The following EBF2 variants were observed in gnomAD, a reference collection of about 807,000 sequenced individuals.
EBF2 encodes transcription factor COE2.
In EBF2, 21 loss-of-function variants were observed where a neutral mutation model predicts 72.8. The ratio of observed to expected loss-of-function variants is 0.29; its 90% CI spans 0.20 to 0.42. The LOEUF (loss-of-function observed/expected upper bound fraction) is 0.42. Among genes scored for constraint, EBF2 ranks in the 10% least tolerant of loss-of-function variants. The pLI is 1.00. For missense variants in EBF2, 637 were observed against 731.2 expected (o/e 0.87, Z 1.49); for synonymous variants, 299 against 274.2 (o/e 1.09, Z -0.89).
At chr8:26,006,548 G>T (rs1804885472) in intron 6 of EBF2, among the ~76,000 whole-genome samples, 3 of 152,112 alleles carry the variant, frequency 2.0e-5, no homozygotes, top group Non-Finnish European at 4.4e-5. Flanking sequence ...TATTCCTTAT[G>T]ACTCTATATT....
intron 10 of EBF2, among the ~76,000 whole-genome samples, chr8:25,863,066 AATT>A (rs398067691): frequency 1.5e-4 from 12 of 79,284 alleles, no homozygotes; most frequent in Non-Finnish European, 2.9e-4. Flanking sequence ...TCAAATAAAA[AATT>A]AAGCAACCAT....
intron 6 of EBF2, among the ~76,000 whole-genome samples, chr8:26,008,998 A>G (rs1804931677): frequency 6.6e-6 from 1 of 150,968 alleles, no homozygotes; most frequent in Non-Finnish European, 1.5e-5. Flanking sequence ...GATTGCTTAT[A>G]TATTCTGAAG....
At chr8:25,993,201 T>C (rs1405371815) in intron 6 of EBF2, among the ~76,000 whole-genome samples, 1 of 152,222 alleles carries the variant, frequency 6.6e-6, no homozygotes, top group East Asian at 1.9e-4. Context: ...TTAGTTTTCT[T>C]AGCTCTGTCT....
chr8:25,867,467 C>T (rs34545411), intron 10 of EBF2, among the ~76,000 whole-genome samples: 2 of 152,022 alleles, frequency 1.3e-5, no homozygotes, highest in African/African-American at 4.8e-5. Context: ...CCCTCCCACC[C>T]ACTGGCTTCC....
chr8:25,978,716 A>C (rs1158687182), intron 6 of EBF2, among the ~76,000 whole-genome samples: 1 of 152,212 alleles, frequency 6.6e-6, no homozygotes, highest in Non-Finnish European at 1.5e-5. Flanking sequence ...GCCCAAGGAA[A>C]CATAACCAAG....
chr8:25,965,563 C>T (rs1585210274), intron 6 of EBF2, among the ~76,000 whole-genome samples: 1 of 152,172 alleles, frequency 6.6e-6, no homozygotes, highest in Admixed American at 6.5e-5. Context: ...AGGGAGAAAT[C>T]CTATCTGTCA....
chr8:25,967,598 T>C (rs1804134420), intron 6 of EBF2, among the ~76,000 whole-genome samples: 1 of 152,256 alleles, frequency 6.6e-6, no homozygotes, highest in African/African-American at 2.4e-5. Context: ...TGGGAACTTG[T>C]ATAGTTTCTA....
At chr8:26,042,960 C>T (rs900352278) in intron 1 of EBF2, among the ~76,000 whole-genome samples, 1 of 152,168 alleles carries the variant, frequency 6.6e-6, no homozygotes, top group African/African-American at 2.4e-5. Flanking sequence ...AATGAGATGA[C>T]CGACATAGGG....
chr8:25,938,693 C>T (rs1473430152), intron 6 of EBF2, among the ~76,000 whole-genome samples: 2 of 152,112 alleles, frequency 1.3e-5, no homozygotes, highest in Non-Finnish European at 2.9e-5. Flanking sequence ...AAATACTCTG[C>T]TCAGGGATGC....
At chr8:26,002,896 AGGCGGGCAGGCGGGCAGGCG>A (rs1563204708) in intron 6 of EBF2, among the ~76,000 whole-genome samples, 41 of 14,918 alleles carry the variant, frequency 2.7e-3, no homozygotes, top group Admixed American at 3.9e-3. Context: ...GCGGGCAGGC[AGGCGGGCAGGCGGGCAGGCG>A]GGCAGGCGGG....
At chr8:25,973,880 T>C (rs2117191873) in intron 6 of EBF2, among the ~76,000 whole-genome samples, 1 of 152,206 alleles carries the variant, frequency 6.6e-6, no homozygotes, top group South Asian at 2.1e-4. Context: ...CTCACTATGT[T>C]GCCCAGGCTG....
chr8:26,031,066 CA>C (rs1805395484), intron 6 of EBF2, among the ~76,000 whole-genome samples: 1 of 152,144 alleles, frequency 6.6e-6, no homozygotes, highest in South Asian at 2.1e-4. Context: ...TTATGAGAAG[CA>C]AGGTGCAGGT....
chr8:25,951,136 C>T (rs1803852356), intron 6 of EBF2, among the ~76,000 whole-genome samples: 2 of 152,100 alleles, frequency 1.3e-5, no homozygotes, highest in Admixed American at 1.3e-4. Context: ...ATTAAATTAG[C>T]CAGTAATTTG....
chr8:25,926,075 C>T (rs904075218), intron 6 of EBF2, among the ~76,000 whole-genome samples: 4 of 152,138 alleles, frequency 2.6e-5, no homozygotes, highest in African/African-American at 4.8e-5. Context: ...GCCTCAAACA[C>T]GTGGTCAGCT....
chr8:26,017,751 TC>T (rs1309793478), intron 6 of EBF2, among the ~76,000 whole-genome samples: 1 of 152,158 alleles, frequency 6.6e-6, no homozygotes, highest in Non-Finnish European at 1.5e-5. Context: ...AAAATGTTCC[TC>T]CCAGAAAAAT....
rs568871382 is a variant in EBF2 at position 25,971,414 on chromosome 8, G to A, written c.551+61671C>T. ...TATGAAGGTGGCAGCGGGAACAAGA[G>A]GGAAACACTACAGTGTGACTGGATT... On this transcript the variant is annotated intron_variant, in intron 6 of 15. Transcript: ENST00000520164. Among the ~76,000 whole-genome samples the A allele has an allele frequency of 5.9e-5, 9 of 152,238 alleles. No homozygotes were observed. The South Asian group carries it at 1.7e-3, about 28-fold the overall frequency.
intron 6 of EBF2, among the ~76,000 whole-genome samples, chr8:26,018,112 G>GTT (rs71730646): frequency 6.8e-6 from 1 of 146,406 alleles, no homozygotes; most frequent in Non-Finnish European, 1.5e-5. Context: ...GGTTGGAAAA[G>GTT]TTTTTTTTTT....
intron 6 of EBF2, among the ~76,000 whole-genome samples, chr8:25,912,519 GAA>G (rs5890267): frequency 0.54 from 78,879 of 147,100 alleles, 23,401 homozygotes; most frequent in East Asian, 0.74. Flanking sequence ...TAAATCAGGA[GAA>G]AAAAAAAAAG....
chr8:25,968,090 T>C (rs1412953639), intron 6 of EBF2, among the ~76,000 whole-genome samples: 4 of 152,102 alleles, frequency 2.6e-5, no homozygotes, highest in African/African-American at 9.7e-5. Flanking sequence ...TCAGTATTTT[T>C]TTCTGCACAT....
Sources: allele counts gnomAD v4.1 joint callset (sites outside exome capture counted in the v4.1 genomes callset), GRCh38; gene constraint gnomAD v4.1.1; transcripts MANE v1.5; gene names NCBI Gene and HGNC (gene_info 2026-07-23, HGNC 2026-07-21).